Variants in VIPR2 observed in about 807,000 individuals in gnomAD.
VIPR2 encodes vasoactive intestinal peptide receptor 2.
VIPR2 carries 48 observed loss-of-function variants against 58.0 expected under a neutral mutation model. The observed-to-expected ratio is 0.83, with a 90% CI of 0.66 to 1.05. The LOEUF is 1.05. VIPR2 is among the 50% of genes least tolerant of loss of function. The pLI, the probability that VIPR2 is intolerant of heterozygous loss-of-function variation, is 0.00. For missense variants in VIPR2, 534 were observed against 558.0 expected, an observed-to-expected ratio of 0.96 and a Z score of 0.43; for synonymous variants, 243 against 235.2, an observed-to-expected ratio of 1.03 and a Z score of -0.30.
intron 4 of VIPR2, among the ~76,000 whole-genome samples, chr7:159,071,309 A>C (rs1856376390): frequency 6.6e-6 from 1 of 152,054 alleles, no homozygotes; most frequent in Non-Finnish European, 1.5e-5. Flanking sequence ...CTCCCTCTGG[A>C]CTCCAGAACC....
chr7:159,132,955 C>CAGAATGATTGGCATACAGATTGATTTG (rs1797026252), intron 2 of VIPR2, among the ~76,000 whole-genome samples: 1 of 26,404 alleles, frequency 3.8e-5, no homozygotes, highest in African/African-American at 1.5e-4. Context: ...AGATTGATTT[C>CAGAATGATTGGCATACAGATTGATTTG]AGACAGAATG....
intron 2 of VIPR2, among the ~76,000 whole-genome samples, chr7:159,139,537 T>C (rs996779789): frequency 6.6e-6 from 1 of 152,216 alleles, no homozygotes; most frequent in African/African-American, 2.4e-5. Flanking sequence ...AAACCCTCCA[T>C]AGTTCCTGAC....
rs1009955863 is a variant in VIPR2 at position 159,030,536 on chromosome 7, G to C, written c.*80C>G. 3 of 1,451,208 alleles carry C rather than the reference G, an allele frequency of 2.1e-6. No homozygotes were observed. The African/African-American group carries it at 4.3e-5, about 21-fold the overall frequency. 89.9% of individuals were successfully genotyped at this position (1,451,208 alleles called of 1,614,324 possible). A position where few individuals can be genotyped will look rare whatever the true frequency, so the allele number is the denominator to read the frequency against. On this transcript the variant is annotated 3_prime_UTR_variant, in exon 13 of 13. Coordinates refer to ENST00000262178, the MANE Select transcript of VIPR2 (RefSeq NM_003382.5). ...GCCCGACACGGTGCTCGGGCATCTG[G>C]AAGGAGGAAGCCGGCGTCTCAGCCC...
intron 4 of VIPR2, among the ~76,000 whole-genome samples, chr7:159,080,647 G>A (rs1856855205): frequency 6.6e-6 from 1 of 152,288 alleles, no homozygotes; most frequent in African/African-American, 2.4e-5. Flanking sequence ...GAAATAAAGG[G>A]CATCAATTAG....
chr7:159,121,380 C>T (rs1446896047), intron 2 of VIPR2, among the ~76,000 whole-genome samples: 1 of 152,138 alleles, frequency 6.6e-6, no homozygotes, highest in Non-Finnish European at 1.5e-5. Flanking sequence ...GCAGAGGTAA[C>T]TATCAGGACA....
At chr7:159,049,626 C>A (rs77130079) in intron 5 of VIPR2, among the ~76,000 whole-genome samples, 16,490 of 152,234 alleles carry the variant, frequency 0.11, 954 homozygotes, top group Middle Eastern at 0.17. Flanking sequence ...GCATCCAAAT[C>A]CTTTTGGTCT....
chr7:159,090,010 G>GACCATGCACAGGGGCCACCTCTTGTGACC (rs1563314473), intron 4 of VIPR2, among the ~76,000 whole-genome samples: 8 of 152,074 alleles, frequency 5.3e-5, no homozygotes, highest in African/African-American at 7.3e-5. Flanking sequence ...GACATGCTGG[G>GACCATGCACAGGGGCCACCTCTTGTGACC]ATCACGCACA....
At chr7:159,062,193 C>T (rs1360947215) in intron 4 of VIPR2, among the ~76,000 whole-genome samples, 1 of 152,174 alleles carries the variant, frequency 6.6e-6, no homozygotes, top group Non-Finnish European at 1.5e-5. Flanking sequence ...AGGGCAAGGA[C>T]ACCCCGAAGG....
At chr7:159,043,233 G>T in intron 5 of VIPR2, 57 bp from the exon 6 acceptor site, 1 of 1,225,318 alleles carries the variant, frequency 8.2e-7, no homozygotes, top group Non-Finnish European at 1.2e-6. Context: ...GGGAGGGAGA[G>T]AGAACCAGAC....
At position 159,133,007 on chromosome 7, in the gene VIPR2, A is replaced by AGAT. The variant is rs763063042; in HGVS notation, c.151+9436_151+9438dup. Among the ~76,000 whole-genome samples, 91 of 119,758 alleles carry AGAT rather than the reference A, an allele frequency of 7.6e-4. 1 individual carries two copies. Among genetic ancestry groups the AGAT allele is most frequent in the Admixed American group, 1.1e-3 (13 of 11,574 alleles). 78.6% of individuals were successfully genotyped at this position (119,758 alleles called of 152,430 possible). A position where few individuals can be genotyped will look rare whatever the true frequency, so the allele number is the denominator to read the frequency against. ...ATTTTAGACAGAATGATTGGCATAC[A>AGAT]GATTGATTTCAGACAGAATGATTCC... On this transcript the variant is annotated intron_variant, in intron 2 of 12. Coordinates refer to ENST00000262178, the MANE Select transcript of VIPR2 (RefSeq NM_003382.5).
intron 4 of VIPR2, among the ~76,000 whole-genome samples, chr7:159,061,672 AAG>A (rs1046586596): frequency 2.0e-5 from 3 of 151,870 alleles, no homozygotes; most frequent in African/African-American, 7.2e-5. Context: ...AGTTAAAAAA[AAG>A]AAAAAAAGTG....
chr7:159,072,985 T>A (rs964451606), intron 4 of VIPR2, among the ~76,000 whole-genome samples: 4 of 152,230 alleles, frequency 2.6e-5, no homozygotes, highest in Non-Finnish European at 5.9e-5. Flanking sequence ...GCTATTTTTT[T>A]AAAGTCTGTG....
chr7:159,059,210 G>A (rs1265939822), intron 4 of VIPR2: 1 of 470,738 alleles, frequency 2.1e-6, no homozygotes, highest in Admixed American at 2.4e-5. Context: ...TATGACAACA[G>A]GGAATCCTAC....
intron 3 of VIPR2, among the ~76,000 whole-genome samples, chr7:159,106,044 C>A (rs1322139391): frequency 2.6e-5 from 4 of 152,178 alleles, no homozygotes; most frequent in Non-Finnish European, 5.9e-5. Context: ...CCCAAAGTCA[C>A]ACTGGTGAGC....
At chr7:159,053,867 T>C (rs891146940) in intron 5 of VIPR2, among the ~76,000 whole-genome samples, 23 of 152,226 alleles carry the variant, frequency 1.5e-4, no homozygotes, top group Admixed American at 1.2e-3. Context: ...AAAACGGCAA[T>C]TGACATTAAA....
At chr7:159,120,612 G>A (rs1413075364) in intron 2 of VIPR2, among the ~76,000 whole-genome samples, 1 of 152,200 alleles carries the variant, frequency 6.6e-6, no homozygotes, top group Non-Finnish European at 1.5e-5. Context: ...TGCCCGCTGG[G>A]AACATGTTCC....
intron 2 of VIPR2, among the ~76,000 whole-genome samples, chr7:159,140,781 G>A (rs1021503876): frequency 6.6e-6 from 1 of 152,156 alleles, no homozygotes; most frequent in Non-Finnish European, 1.5e-5. Flanking sequence ...ACTCACACAC[G>A]GACTGCCCAC....
chr7:159,064,286 A>G (rs1171049967), intron 4 of VIPR2, among the ~76,000 whole-genome samples: 1 of 151,966 alleles, frequency 6.6e-6, no homozygotes, highest in Non-Finnish European at 1.5e-5. Flanking sequence ...GGCCTGGCTG[A>G]GGCGACCCTG....
chr7:159,105,088 A>C (rs1314114900), intron 3 of VIPR2, among the ~76,000 whole-genome samples: 1 of 152,232 alleles, frequency 6.6e-6, no homozygotes, highest in African/African-American at 2.4e-5. Context: ...TAAGCTCAGA[A>C]ATTCAATGTT....
Sources: allele counts gnomAD v4.1 joint callset (sites outside exome capture counted in the v4.1 genomes callset), GRCh38; gene constraint gnomAD v4.1.1; transcripts MANE v1.5; gene names NCBI Gene and HGNC (gene_info 2026-07-23, HGNC 2026-07-21).